MTHFD1L: variants seen among roughly 807,000 people sequenced by gnomAD.
MTHFD1L encodes monofunctional C1-tetrahydrofolate synthase, mitochondrial.
A neutral mutation model predicts 119.5 loss-of-function variants in MTHFD1L; 81 were observed. That is an observed-to-expected ratio of 0.68 (90% CI 0.57 to 0.82). The LOEUF is 0.82. Among genes scored for constraint, MTHFD1L ranks in the 40% least tolerant of loss-of-function variants. MTHFD1L has a pLI of 0.00. For missense variants in MTHFD1L, 1,125 were observed against 1,253.4 expected (o/e 0.90, Z 1.55); for synonymous variants, 430 against 475.2 (o/e 0.90, Z 1.24).
At chr6:150,966,898 T>C (rs1244730978) in intron 19 of MTHFD1L, among the ~76,000 whole-genome samples, 2 of 152,078 alleles carry the variant, frequency 1.3e-5, no homozygotes, top group African/African-American at 4.8e-5. Context: ...ACTGCAGGTG[T>C]CCCCTGAGCT....
chr6:151,067,605 T>C (rs1194333697), intron 26 of MTHFD1L, among the ~76,000 whole-genome samples: 2 of 152,246 alleles, frequency 1.3e-5, no homozygotes, highest in Admixed American at 1.3e-4. Context: ...ATTACAGGTG[T>C]GAGCCACTGT....
intron 26 of MTHFD1L, among the ~76,000 whole-genome samples, chr6:151,048,612 G>A (rs9478929): frequency 0.013 from 1,922 of 152,266 alleles, 45 homozygotes; most frequent in African/African-American, 0.043. Context: ...CTTTTAAGGA[G>A]GTAATAAGAG....
chr6:150,914,289 C>T (rs1387688384), intron 8 of MTHFD1L, among the ~76,000 whole-genome samples: 2 of 151,802 alleles, frequency 1.3e-5, no homozygotes, highest in Non-Finnish European at 2.9e-5. Context: ...CGGGCCAGAC[C>T]TTATCTCAAA....
Position 151,007,684 on chromosome 6 carries a change from A to G in MTHFD1L, c.2126-2135A>G, listed in dbSNP as rs118045690. Among the ~76,000 whole-genome samples, 5 of 152,258 alleles carry G rather than the reference A, an allele frequency of 3.3e-5. No homozygotes were observed. The East Asian group carries it at 7.7e-4, about 24-fold the overall frequency. On this transcript the variant is annotated intron_variant, in intron 20 of 27. Transcript: ENST00000367321. The stretch of plus-strand genomic sequence containing the variant: ...ACCTCCAGGAGCCCACTCAGTGATG[A>G]CTTTTGACAAAAGTCACCCGGATTA...
intron 20 of MTHFD1L, among the ~76,000 whole-genome samples, chr6:151,004,359 C>G (rs1781089279): frequency 6.6e-6 from 1 of 152,126 alleles, no homozygotes; most frequent in African/African-American, 2.4e-5. Context: ...CTAATTATCG[C>G]TGCAGCTTTC....
At chr6:150,873,189 C>G (rs1210525681) in intron 1 of MTHFD1L, among the ~76,000 whole-genome samples, 1 of 151,982 alleles carries the variant, frequency 6.6e-6, no homozygotes, top group South Asian at 2.1e-4. Context: ...GTGGCATGCA[C>G]CAGTAGTCCC....
intron 24 of MTHFD1L, among the ~76,000 whole-genome samples, chr6:151,032,644 TG>T (rs1248470348): frequency 6.6e-6 from 1 of 152,212 alleles, no homozygotes; most frequent in Non-Finnish European, 1.5e-5. Context: ...TTATTGGACT[TG>T]CATTGAACTG....
chr6:150,889,643 G>A (rs1782893944), intron 7 of MTHFD1L, among the ~76,000 whole-genome samples: 1 of 152,216 alleles, frequency 6.6e-6, no homozygotes, highest in South Asian at 2.1e-4. Context: ...TGAGGAACCC[G>A]AGGTTTAAAA....
chr6:150,904,440 T>C (rs1342821753), intron 7 of MTHFD1L, among the ~76,000 whole-genome samples: 1 of 152,194 alleles, frequency 6.6e-6, no homozygotes, highest in African/African-American at 2.4e-5. Flanking sequence ...ACACAGGACA[T>C]ACCGTAGAGC....
intron 15 of MTHFD1L, among the ~76,000 whole-genome samples, chr6:150,947,657 G>A (rs1349369191): frequency 2.6e-5 from 4 of 151,190 alleles, no homozygotes; most frequent in East Asian, 2.0e-4. Context: ...TTGAAACATA[G>A]GAATAAACTT....
intron 13 of MTHFD1L, among the ~76,000 whole-genome samples, chr6:150,943,635 A>G (rs1360174629): frequency 6.6e-6 from 1 of 152,236 alleles, no homozygotes; most frequent in Admixed American, 6.5e-5. Flanking sequence ...ATTTGGTAGT[A>G]GCGTATATAT....
rs141496377 is a variant in MTHFD1L, at chr6:150,980,473, T to TA, written c.2125+8418dup. Among the ~76,000 whole-genome samples the TA allele has an allele frequency of 3.0e-3, 457 of 152,320 alleles. 3 individuals are homozygous for TA. Among genetic ancestry groups the TA allele is most frequent in the African/African-American group, 0.01 (430 of 41,568 alleles). On this transcript the variant is annotated intron_variant, in intron 20 of 27. Transcript: ENST00000367321. ...AAAGCAAAATGTTCTTCATATACACTAAACAGGAAAGTATGCAAAGTAATG... is the reference window on the plus strand; with the variant it reads ...AAAGCAAAATGTTCTTCATATACACTAAAACAGGAAAGTATGCAAAGTAATG...
At chr6:150,952,788 G>C (rs1049126628) in intron 16 of MTHFD1L, among the ~76,000 whole-genome samples, 1 of 152,080 alleles carries the variant, frequency 6.6e-6, no homozygotes, top group Non-Finnish European at 1.5e-5. Context: ...TTGGCCTCCC[G>C]AAGTGCTGCG....
intron 24 of MTHFD1L, among the ~76,000 whole-genome samples, chr6:151,018,140 C>T (rs1030625462): frequency 2.0e-5 from 3 of 152,106 alleles, no homozygotes; most frequent in Non-Finnish European, 4.4e-5. Flanking sequence ...ATGGATTTGT[C>T]TTCAGGGGTA....
intron 13 of MTHFD1L, 92 bp from the exon 14 acceptor site, chr6:150,944,394 G>A (rs1583702573): frequency 2.3e-6 from 2 of 878,646 alleles, no homozygotes; most frequent in East Asian, 5.3e-5. Context: ...AATACAGTGA[G>A]CTATGATCAT....
At position 151,039,743 on chromosome 6, in the gene MTHFD1L, C is replaced by T. The variant is rs1183994415; in HGVS notation, c.2847+2626C>T. Among the ~76,000 whole-genome samples, 1 of 152,112 alleles carries T rather than the reference C, an allele frequency of 6.6e-6. No individual in the cohort carries two copies. The highest frequency in any genetic ancestry group is 1.5e-5 in the Non-Finnish European group (1 of 68,024). On this transcript the variant is annotated intron_variant, in intron 26 of 27. Transcript: ENST00000367321. The surrounding 1 kb of genome is among the most constrained non-coding windows in gnomAD (Gnocchi z 4.4). ...CTGCCTGGCCAAAATGGTGAAACCCCATCACTACTAAAAATACAAAAATTT... is the reference window on the plus strand; with the variant it reads ...CTGCCTGGCCAAAATGGTGAAACCCTATCACTACTAAAAATACAAAAATTT...
intron 26 of MTHFD1L, among the ~76,000 whole-genome samples, chr6:151,051,935 G>A (rs117393306): frequency 0.032 from 4,949 of 152,326 alleles, 159 homozygotes; most frequent in Admixed American, 0.099. Context: ...AGGTCTGTGC[G>A]TGAGCCTGGG....
In MTHFD1L at chr6:151,034,493, G is replaced by T. The variant is rs753735204; in HGVS notation, c.2587G>T (p.Val863Phe). The change falls in exon 25 of 28, where the codon GTT (valine) becomes TTT (phenylalanine). Residue 863 changes from valine (V) to phenylalanine (F), a missense_variant and splice_region_variant. By Grantham distance (50) the Val-to-Phe change is conservative (BLOSUM62 -1). Coordinates refer to ENST00000367321, the MANE Select transcript of MTHFD1L (RefSeq NM_015440.5). ...TTTGTTATAATTTGTGTTTCTCCAG[G>T]TTCCAATTGTGGACAAGATAAGGAC... ...SRFQFLYDVQ[V>F]PIVDKIRTIA... The T allele has an allele frequency of 6.9e-6, 11 of 1,597,948 alleles. No homozygotes were observed. The East Asian group carries it at 1.1e-4, about 16-fold the overall frequency.
intron 16 of MTHFD1L, among the ~76,000 whole-genome samples, chr6:150,952,037 T>C (rs562379773): frequency 1.2e-4 from 19 of 152,336 alleles, no homozygotes; most frequent in Middle Eastern, 3.4e-3. Context: ...AAAGGCTACA[T>C]CATCTTTTAT....
Sources: gnomAD v4.1 joint callset for allele counts (sites outside exome capture counted in the v4.1 genomes callset) on GRCh38, gnomAD v4.1.1 for gene constraint, Gnocchi (gnomAD v3.1) non-coding constraint, MANE v1.5 for transcripts, NCBI Gene and HGNC (gene_info 2026-07-23, HGNC 2026-07-21) for gene names.